Variants in SZT2 observed in about 807,000 individuals in gnomAD.
SZT2 encodes KICSTOR complex protein SZT2.
Under a neutral mutation model 404.2 loss-of-function variants are expected in SZT2, and 216 were observed. The ratio of observed to expected loss-of-function variants is 0.53; its 90% CI spans 0.48 to 0.60. The LOEUF (loss-of-function observed/expected upper bound fraction) is 0.60. Ranked by LOEUF, SZT2 falls within the 20% of genes least tolerant of loss-of-function variation. SZT2 has a pLI of 0.00. For missense variants in SZT2, 3,857 were observed against 4,459.2 expected (o/e 0.86, Z 3.85); for synonymous variants, 1,693 against 1,749.9 (o/e 0.97, Z 0.81).
At position 43,427,617 on chromosome 1, in the gene SZT2, G is replaced by C; in HGVS notation, c.3686G>C (p.Ser1229Thr). The C allele has an allele frequency of 6.2e-7, 1 of 1,614,254 alleles. No individual in the cohort carries two copies. Among genetic ancestry groups the C allele is most frequent in the South Asian group, 1.1e-5 (1 of 91,084 alleles). ...YAGRQASQTE[S>T]ADGPRTRCPV... Reference sequence around the variant, plus strand: ...GGGCGTCAGGCTTCCCAGACAGAGAGTGCGGATGGGCCCCGGACCCGGTGT... The same window carrying C: ...GGGCGTCAGGCTTCCCAGACAGAGACTGCGGATGGGCCCCGGACCCGGTGT... The change falls in exon 26 of 72, where the codon AGT becomes ACT. Residue 1229 changes from serine to threonine, a missense_variant. By Grantham distance (58) the Ser-to-Thr change is moderately conservative. Coordinates refer to ENST00000634258, the MANE Select transcript of SZT2 (RefSeq NM_001365999.1).
chr1:43,400,728 C>T (rs1189365417), intron 1 of SZT2, among the ~76,000 whole-genome samples: 19 of 152,042 alleles, frequency 1.2e-4, no homozygotes, highest in East Asian at 3.9e-4. Context: ...AAAAATTAGC[C>T]GGGCTTGGTG....
chr1:43,420,389 A>G lies in SZT2; in HGVS notation c.1261+66A>G, dbSNP rs547220191. The stretch of plus-strand genomic sequence containing the variant: ...CAAGAATTTGTGTGTGGGAAGACCC[A>G]CATGTATCACACATGAAAGAGTGTC... On this transcript the variant is annotated intron_variant, in intron 9 of 71. Transcript: ENST00000634258. This position sits in a 1 kb window ranked among gnomAD's most constrained non-coding sequence, Gnocchi z 5.1. The G allele has an allele frequency of 3.1e-5, 46 of 1,467,008 alleles. No homozygotes were observed. In the Admixed American group the frequency reaches 6.8e-4, roughly 22 times the overall value. The allele number at this position is 1,467,008 out of a possible 1,614,324, so 90.9% of individuals were successfully genotyped here.
chr1:43,414,612 G>GA (rs2153931380), intron 4 of SZT2, among the ~76,000 whole-genome samples: 1 of 152,210 alleles, frequency 6.6e-6, no homozygotes, highest in African/African-American at 2.4e-5. Context: ...AAAAGGTCCA[G>GA]AATAGCCTCT....
rs773466067 is a variant in SZT2 at position 43,440,529 on chromosome 1, T to G, written c.7287T>G (p.Pro2429=). ...GCACCTTTCCCCCTGCCCCTGTCCC[T>G]GGGGAGCCTGTGACTCCACCCAGCA... The part of the protein sequence containing the change: ...RASTFPPAPV[P]GEPVTPPSKA... Residue 2429 remains proline, a synonymous_variant, in exon 52 of 72, where the codon CCT becomes CCG. Coordinates refer to ENST00000634258, the MANE Select transcript of SZT2 (RefSeq NM_001365999.1). 3.7e-6 allele frequency: 6 copies of G among 1,609,054 alleles called. No individual in the cohort carries two copies. The African/African-American group carries it at 8.0e-5, about 22-fold the overall frequency.
At position 43,443,607 on chromosome 1, in the gene SZT2, G is replaced by T. The variant is rs143745300; in HGVS notation, c.8636G>T (p.Arg2879Leu). 6.2e-6 allele frequency: 10 copies of T among 1,614,112 alleles called. No individual in the cohort carries two copies. The highest frequency in any genetic ancestry group is 8.5e-6 in the Non-Finnish European group (10 of 1,180,038). Residue 2879 changes from arginine to leucine, a missense_variant, in exon 62 of 72, where the codon CGC becomes CTC. Transcript: ENST00000634258. ...TCTTTACTCTCATAGCGGCGCCATCGCCCTGAGTCAGGGTCTGGGAGCCGA... is the reference window on the plus strand; with the variant it reads ...TCTTTACTCTCATAGCGGCGCCATCTCCCTGAGTCAGGGTCTGGGAGCCGA... Reference protein sequence around the residue: ...SGPPDGQRRHRPESGSGSREA... With the variant: ...SGPPDGQRRHLPESGSGSREA...
In SZT2 at chr1:43,451,495, G is replaced by C; in HGVS notation, c.*1015G>C. On this transcript the variant is annotated 3_prime_UTR_variant, in exon 72 of 72. Transcript: ENST00000634258. The stretch of plus-strand genomic sequence containing the variant: ...ACAGATAGGGGAAATTCAGCTCTCC[G>C]GGGCTGCTGGGCTCCCCTCGGCCTG... The C allele has an allele frequency of 6.2e-7, 1 of 1,614,088 alleles. No homozygotes were observed. Among genetic ancestry groups the C allele is most frequent in the Non-Finnish European group, 8.5e-7 (1 of 1,180,018 alleles).
At chr1:43,446,537 T>A in intron 65 of SZT2, 121 bp downstream of exon 65, 1 of 1,207,360 alleles carries the variant, frequency 8.3e-7, no homozygotes, top group Non-Finnish European at 1.2e-6. Context: ...AGTGATTGAT[T>A]CACTGCTATG....
At chr1:43,434,243 T>C in intron 40 of SZT2, 143 bp from the exon 41 acceptor site, 1 of 683,510 alleles carries the variant, frequency 1.5e-6, no homozygotes, top group Non-Finnish European at 2.4e-6. Flanking sequence ...CTGCTCCCTT[T>C]TCATGGTTTC....
intron 1 of SZT2, among the ~76,000 whole-genome samples, chr1:43,397,653 A>C (rs1649166717): frequency 6.6e-6 from 1 of 151,718 alleles, no homozygotes; most frequent in East Asian, 2.0e-4. Context: ...TCGGTCCCCT[A>C]AGTAGCTGGG....
rs767568623 is a variant in SZT2, at chr1:43,437,861, A to G, written c.6467A>G (p.Asp2156Gly). ...GCTGCTCGTCCTGTGGGCCAAGTGG[A>G]CAGACATATCCAGCTGCTGGTCCAT... ...SDAARPVGQVDRHIQLLVHGV... is the reference protein window; with the variant it reads ...SDAARPVGQVGRHIQLLVHGV... Residue 2156 changes from aspartate (D) to glycine (G), a missense_variant, in exon 46 of 72, where the codon GAC becomes GGC. Transcript: ENST00000634258. This position sits in a 1 kb window ranked among gnomAD's most constrained non-coding sequence, Gnocchi z 5.3. 3.1e-6 allele frequency: 5 copies of G among 1,614,148 alleles called. No individual in the cohort carries two copies. In the South Asian group the frequency reaches 5.5e-5, roughly 18 times the overall value.
chr1:43,420,713 G>A lies in SZT2; in HGVS notation c.1262-36G>A. The A allele has an allele frequency of 1.3e-6, 2 of 1,584,206 alleles. No individual in the cohort carries two copies. The highest frequency in any genetic ancestry group is 1.7e-6 in the Non-Finnish European group (2 of 1,167,636). On this transcript the variant is annotated intron_variant, in intron 9 of 71. Coordinates refer to ENST00000634258, the MANE Select transcript of SZT2 (RefSeq NM_001365999.1). This position sits in a 1 kb window ranked among gnomAD's most constrained non-coding sequence, Gnocchi z 5.1. ...CTCGATCCCAGGCCTAGAGTCCTAT[G>A]CCTTCTCCTAACTGGCCCTTCCGCT... is the stretch of plus-strand genomic sequence containing the variant.
rs992497725 is a variant in SZT2, at chr1:43,433,147, G to T, written c.5761G>T (p.Val1921Phe). The T allele has an allele frequency of 1.2e-6, 2 of 1,614,078 alleles. No individual in the cohort carries two copies. Among genetic ancestry groups the T allele is most frequent in the African/African-American group, 1.3e-5 (1 of 75,036 alleles). The change falls in exon 40 of 72, where the codon GTC becomes TTC. Residue 1921 changes from valine to phenylalanine, a missense_variant. This residue lies in a region of SZT2 where 1,725 missense variants were observed against 1,881.0 expected (regional missense o/e 0.92). Transcript: ENST00000634258. ...CTGCCTGCCTGACTTCTGGCTCATT[G>T]TCCGGGTCCTGCAGGACCGTGTGGA... ...GPCLPDFWLI[V>F]RVLQDRVEVY...
Position 43,437,934 on chromosome 1 carries a change from C to T in SZT2, c.6508+32C>T, listed in dbSNP as rs1270465982. 6.2e-7 allele frequency: 1 copy of T among 1,605,144 alleles called. No individual in the cohort carries two copies. Among genetic ancestry groups the T allele is most frequent in the Non-Finnish European group, 8.5e-7 (1 of 1,172,146 alleles). ...TCTGAGGAGGGGGTAGGGGAGTCGCCACATGAGGTTCCAGAATCCTCTGGG... is the reference window on the plus strand; with the variant it reads ...TCTGAGGAGGGGGTAGGGGAGTCGCTACATGAGGTTCCAGAATCCTCTGGG... On this transcript the variant is annotated intron_variant, in intron 46 of 71. Transcript: ENST00000634258. The surrounding 1 kb of genome is among the most constrained non-coding windows in gnomAD (Gnocchi z 5.3).
intron 40 of SZT2, among the ~76,000 whole-genome samples, chr1:43,433,962 G>C (rs1368270871): frequency 6.6e-6 from 1 of 152,188 alleles, no homozygotes; most frequent in Non-Finnish European, 1.5e-5. Context: ...GCCACAGTAA[G>C]TGACAGAGCC....
In SZT2 at chr1:43,450,500, G is replaced by C. The variant is rs1656268300; in HGVS notation, c.*20G>C. 6.2e-7 allele frequency: 1 copy of C among 1,613,798 alleles called. No individual in the cohort carries two copies. Among genetic ancestry groups the C allele is most frequent in the African/African-American group, 1.3e-5 (1 of 75,038 alleles). ...CTCTGAGGGAGTGGACTGGACCACT[G>C]AATGTCACTGTTCCTTGAATCATGG... is the stretch of plus-strand genomic sequence containing the variant. On this transcript the variant is annotated 3_prime_UTR_variant, in exon 72 of 72. Coordinates refer to ENST00000634258, the MANE Select transcript of SZT2 (RefSeq NM_001365999.1). This position sits in a 1 kb window ranked among gnomAD's most constrained non-coding sequence, Gnocchi z 4.3.
rs779271456 is a variant in SZT2, at chr1:43,416,078, T to A, written c.749T>A (p.Leu250Ter). Residue 250 changes from leucine (L) to a stop codon, truncating the protein, a stop_gained, in exon 6 of 72, where the codon TTA (leucine) becomes TAA (stop). Coordinates refer to ENST00000634258, the MANE Select transcript of SZT2 (RefSeq NM_001365999.1). LOFTEE classifies it high-confidence loss of function. ...CGTCAGGGCATCTTGGCACTGCAGT[T>A]ACTACCCTCGAACTCTAGTGCAGGT... ...MIRQGILALQLLPSNSSAGII... is the reference protein window; with the variant it reads ...MIRQGILALQ 1.3e-6 allele frequency: 2 copies of A among 1,598,420 alleles called. No homozygotes were observed. Among genetic ancestry groups the A allele is most frequent in the Non-Finnish European group, 1.7e-6 (2 of 1,179,806 alleles).
In SZT2 at chr1:43,415,506, C is replaced by G. The variant is rs74069986; in HGVS notation, c.630+293C>G. On this transcript the variant is annotated intron_variant, in intron 5 of 71. Coordinates refer to ENST00000634258, the MANE Select transcript of SZT2 (RefSeq NM_001365999.1). The stretch of plus-strand genomic sequence containing the variant: ...AGGTGATTATGCGTGGCTTTGACCT[C>G]TAGTTAGCATTTTGTACAATCAGGG... Among the ~76,000 whole-genome samples, 535 of 152,298 alleles carry G rather than the reference C, an allele frequency of 3.5e-3. 4 individuals carry two copies. Among genetic ancestry groups the G allele is most frequent in the African/African-American group, 0.012 (512 of 41,568 alleles).
At chr1:43,398,645 C>T (rs1360876145) in intron 1 of SZT2, among the ~76,000 whole-genome samples, 1 of 152,168 alleles carries the variant, frequency 6.6e-6, no homozygotes, top group Non-Finnish European at 1.5e-5. Flanking sequence ...TGAGTAATTG[C>T]TGTGATTTCC....
rs1251119654 is a variant in SZT2, at chr1:43,440,173, C to A, written c.7210+125C>A. The A allele has an allele frequency of 4.5e-6, 6 of 1,335,238 alleles. No individual in the cohort carries two copies. In the Admixed American group the frequency reaches 1.1e-4, roughly 25 times the overall value. 82.7% of individuals were successfully genotyped at this position (1,335,238 alleles called of 1,614,324 possible). Reference sequence around the variant, plus strand: ...TGTCAGAGAACTACTACATCAGAACCACTTATTCACAGTTGTCCGTGAGCT... The same window carrying A: ...TGTCAGAGAACTACTACATCAGAACAACTTATTCACAGTTGTCCGTGAGCT... On this transcript the variant is annotated intron_variant, in intron 51 of 71. Coordinates refer to ENST00000634258, the MANE Select transcript of SZT2 (RefSeq NM_001365999.1).
Sources: allele counts gnomAD v4.1 joint callset (sites outside exome capture counted in the v4.1 genomes callset), GRCh38; gene constraint gnomAD v4.1.1; regional missense constraint gnomAD v4.1.1; non-coding constraint Gnocchi (gnomAD v3.1); transcripts MANE v1.5; gene names NCBI Gene and HGNC (gene_info 2026-07-23, HGNC 2026-07-21).